Variants in TBC1D2 observed in about 807,000 individuals in gnomAD.
The protein encoded by TBC1D2 is TBC1 domain family member 2A.
A neutral mutation model predicts 91.1 loss-of-function variants in TBC1D2; 58 were observed. That is an observed-to-expected ratio of 0.64 (90% CI 0.52 to 0.79). The LOEUF (loss-of-function observed/expected upper bound fraction) is 0.79, where lower values mean the gene tolerates loss of function less well. Among genes scored for constraint, TBC1D2 ranks in the 30% least tolerant of loss-of-function variants. TBC1D2 has a pLI of 0.00. For synonymous variants in TBC1D2, 482 were observed against 511.5 expected (o/e 0.94, Z 0.78); for missense variants, 1,080 against 1,208.3 (o/e 0.89, Z 1.57).
chr9:98,203,539 T>C, intron 9 of TBC1D2, 131 bp from the exon 10 acceptor site: 1 of 1,344,502 alleles, frequency 7.4e-7, no homozygotes, highest in East Asian at 2.4e-5. Flanking sequence ...TCCCACTCCC[T>C]AACCAGATTT....
At chr9:98,249,814 T>C (rs1829834996) in intron 2 of TBC1D2, among the ~76,000 whole-genome samples, 2 of 152,224 alleles carry the variant, frequency 1.3e-5, no homozygotes, top group African/African-American at 2.4e-5. Flanking sequence ...CTCCCATGTA[T>C]TGAGCACTTA....
chr9:98,240,641 C>T (rs1262178293), intron 3 of TBC1D2, among the ~76,000 whole-genome samples: 1 of 152,168 alleles, frequency 6.6e-6, no homozygotes, highest in East Asian at 1.9e-4. Flanking sequence ...GCTGCCCACA[C>T]TTTAACCAGG....
At position 98,232,342 on chromosome 9, in the gene TBC1D2, G is replaced by GTTTTTTTTTTTTTTTTTTTT. The variant is rs753455224; in HGVS notation, c.781+1073_781+1074insAAAAAAAAAAAAAAAAAAAA. Among the ~76,000 whole-genome samples, 290 of 86,708 alleles carry GTTTTTTTTTTTTTTTTTTTT rather than the reference G, an allele frequency of 3.3e-3. 25 individuals are homozygous for GTTTTTTTTTTTTTTTTTTTT. The highest frequency in any genetic ancestry group is 0.017 in the Middle Eastern group (3 of 172). The allele number at this position is 86,708 out of a possible 152,430, so 56.9% of individuals were successfully genotyped here. ...TTTCTTTTCTTCTTTCTCTTTTTCT[G>GTTTTTTTTTTTTTTTTTTTT]TTTTTTTTTTTGACAGTGTCTCACT... is the stretch of plus-strand genomic sequence containing the variant. On this transcript the variant is annotated intron_variant, in intron 4 of 12. Coordinates refer to ENST00000465784, the MANE Select transcript of TBC1D2 (RefSeq NM_001267571.2).
intron 6 of TBC1D2, among the ~76,000 whole-genome samples, chr9:98,218,220 T>C (rs868391911): frequency 6.6e-6 from 1 of 152,098 alleles, no homozygotes; most frequent in African/African-American, 2.4e-5. Flanking sequence ...AGTGTATTCT[T>C]GGTTAATGTG....
chr9:98,212,364 T>C (rs1828866486), intron 7 of TBC1D2, among the ~76,000 whole-genome samples: 1 of 152,192 alleles, frequency 6.6e-6, no homozygotes, highest in East Asian at 1.9e-4. Context: ...TCTCTTTTCC[T>C]GGAAGGTCCT....
chr9:98,209,204 G>C, intron 8 of TBC1D2, 60 bp from the exon 9 acceptor site: 1 of 1,529,172 alleles, frequency 6.5e-7, no homozygotes, highest in Middle Eastern at 1.8e-4. Context: ...ATAAGGGGTG[G>C]TGGTGACAGG....
intron 6 of TBC1D2, among the ~76,000 whole-genome samples, chr9:98,217,798 G>A (rs148289645): frequency 5.9e-5 from 9 of 152,084 alleles, no homozygotes; most frequent in African/African-American, 1.7e-4. Flanking sequence ...CCACAGCCTC[G>A]AACTCCTGGG....
At position 98,255,190 on chromosome 9, in the gene TBC1D2, G is replaced by A; in HGVS notation, c.352C>T (p.Arg118Trp). The change falls in exon 1 of 13, where the codon CGG becomes TGG. Residue 118 changes from arginine (R) to tryptophan (W), a missense_variant. Physicochemically the swap from Arg to Trp is moderately radical, Grantham distance 101. Transcript: ENST00000465784. ...EGIFEIKTPS[R>W]VITLKAATKQ... ...GAATTTACCTTCAGGGTAATAACCC[G>A]GCTGGGAGTCTTGATTTCGAAGATC... is the stretch of plus-strand genomic sequence containing the variant. 2.5e-6 allele frequency: 4 copies of A among 1,608,784 alleles called. No individual in the cohort carries two copies. Among genetic ancestry groups the A allele is most frequent in the Middle Eastern group, 1.7e-4 (1 of 6,042 alleles).
intron 6 of TBC1D2, among the ~76,000 whole-genome samples, chr9:98,215,752 C>T (rs1828954928): frequency 6.6e-6 from 1 of 152,144 alleles, no homozygotes; most frequent in South Asian, 2.1e-4. Flanking sequence ...GCAATCCTTC[C>T]ACCTCGGCCT....
chr9:98,210,967 C>G, intron 7 of TBC1D2, 124 bp from the exon 8 acceptor site: 1 of 892,764 alleles, frequency 1.1e-6, no homozygotes, highest in Non-Finnish European at 1.7e-6. Context: ...TCCCAACTCC[C>G]AGACCTTCGT....
chr9:98,200,506 CAATGTGTGGGGATAGG>C, intron 11 of TBC1D2, 132 bp from the exon 12 acceptor site: 2 of 647,176 alleles, frequency 3.1e-6, no homozygotes, highest in African/African-American at 2.1e-5. Flanking sequence ...CCTGGAGGCA[CAATGTGTGGGGATAGG>C]CTCCAGGGGG....
chr9:98,244,233 G>T, intron 2 of TBC1D2, 104 bp from the exon 3 acceptor site: 1 of 1,480,146 alleles, frequency 6.8e-7, no homozygotes, highest in Non-Finnish European at 9.1e-7. Flanking sequence ...ACAGGCTGGA[G>T]TTGGAGAGTT....
intron 3 of TBC1D2, chr9:98,235,609 T>G: frequency 2.4e-6 from 1 of 413,546 alleles, no homozygotes; most frequent in South Asian, 1.8e-5. Flanking sequence ...GCTATAATCC[T>G]AGAATTATTG....
At chr9:98,219,001 A>C (rs1170538343) in intron 6 of TBC1D2, among the ~76,000 whole-genome samples, 2 of 152,204 alleles carry the variant, frequency 1.3e-5, no homozygotes, top group African/African-American at 2.4e-5. Flanking sequence ...GAGGGCTGAG[A>C]GCTTTCTAAT....
intron 9 of TBC1D2, among the ~76,000 whole-genome samples, chr9:98,206,657 G>C (rs1828663780): frequency 6.6e-6 from 1 of 152,218 alleles, no homozygotes; most frequent in South Asian, 2.1e-4. Flanking sequence ...AGAAAGGACT[G>C]GGTTTGGGGG....
At chr9:98,225,834 C>T (rs1330521717) in intron 5 of TBC1D2, among the ~76,000 whole-genome samples, 2 of 152,248 alleles carry the variant, frequency 1.3e-5, no homozygotes, top group African/African-American at 4.8e-5. Flanking sequence ...CTCTCAAGAG[C>T]ATCTCGCAGT....
chr9:98,247,366 A>C (rs997302651), intron 2 of TBC1D2, among the ~76,000 whole-genome samples: 59 of 151,584 alleles, frequency 3.9e-4, no homozygotes, highest in East Asian at 1.4e-3. Flanking sequence ...AACAAACAAA[A>C]AAAAAAACAA....
intron 9 of TBC1D2, among the ~76,000 whole-genome samples, chr9:98,207,356 T>C (rs1828681703): frequency 6.6e-6 from 1 of 152,232 alleles, no homozygotes; most frequent in African/African-American, 2.4e-5. Flanking sequence ...GTGTTTAAAT[T>C]AAATCGAGTG....
At position 98,203,932 on chromosome 9, in the gene TBC1D2, G is replaced by A. The variant is rs188865983; in HGVS notation, c.2151-524C>T. Reference sequence around the variant, plus strand: ...TGAGATTAACAATATCTATCCCCCCGGGGCCAAGAGGCATCTTGAGACAGA... The same window carrying A: ...TGAGATTAACAATATCTATCCCCCCAGGGCCAAGAGGCATCTTGAGACAGA... On this transcript the variant is annotated intron_variant, in intron 9 of 12. Transcript: ENST00000465784. 4.5e-4 allele frequency among the ~76,000 whole-genome samples: 68 copies of A among 152,194 alleles called. 1 individual carries two copies. In the East Asian group the frequency reaches 7.7e-3, roughly 17 times the overall value.
Sources: allele counts gnomAD v4.1 joint callset (sites outside exome capture counted in the v4.1 genomes callset), GRCh38; gene constraint gnomAD v4.1.1; transcripts MANE v1.5; gene names NCBI Gene and HGNC (gene_info 2026-07-23, HGNC 2026-07-21).